Variants in ULK4 observed in about 807,000 individuals in gnomAD.
ULK4 encodes unc-51 like kinase 4.
Under a neutral mutation model 160.6 loss-of-function variants are expected in ULK4, and 133 were observed. The observed-to-expected ratio is 0.83, with a 90% CI of 0.72 to 0.96. The LOEUF (loss-of-function observed/expected upper bound fraction) is 0.96, where lower values mean the gene tolerates loss of function less well. Ranked by LOEUF, ULK4 falls within the 40% of genes least tolerant of loss-of-function variation. The pLI is 0.00. For missense variants in ULK4, 1,580 were observed against 1,499.5 expected, an observed-to-expected ratio of 1.05 and a Z score of -0.89; for synonymous variants, 534 against 539.8, an observed-to-expected ratio of 0.99 and a Z score of 0.15.
intron 12 of ULK4, among the ~76,000 whole-genome samples, chr3:41,906,707 T>C (rs1405970283): frequency 6.6e-6 from 1 of 151,688 alleles, no homozygotes; most frequent in Non-Finnish European, 1.5e-5. Context: ...AAATATATGT[T>C]AAAAAGGCCG....
chr3:41,680,912 T>C (rs1448206959), intron 29 of ULK4, among the ~76,000 whole-genome samples: 1 of 152,202 alleles, frequency 6.6e-6, no homozygotes, highest in Non-Finnish European at 1.5e-5. Context: ...TCCCCTCAAC[T>C]ATAAGGTGAG....
intron 12 of ULK4, among the ~76,000 whole-genome samples, chr3:41,906,269 A>G (rs1451721288): frequency 6.6e-6 from 1 of 151,618 alleles, no homozygotes; most frequent in Non-Finnish European, 1.5e-5. Flanking sequence ...TCATACCTAC[A>G]ATCCCAGCAC....
chr3:41,919,254 G>T (rs1391749072), intron 6 of ULK4, among the ~76,000 whole-genome samples: 1 of 152,164 alleles, frequency 6.6e-6, no homozygotes, highest in African/African-American at 2.4e-5. Context: ...ATCTGCATAT[G>T]CCTAGATACC....
At chr3:41,796,050 ATATGT>A (rs2040292162) in intron 20 of ULK4, among the ~76,000 whole-genome samples, 1 of 152,136 alleles carries the variant, frequency 6.6e-6, no homozygotes, top group African/African-American at 2.4e-5. Flanking sequence ...CCCAGTATCC[ATATGT>A]CAGTCTGAGA....
intron 17 of ULK4, among the ~76,000 whole-genome samples, chr3:41,855,669 C>T (rs1288980473): frequency 6.6e-6 from 1 of 152,174 alleles, no homozygotes; most frequent in African/African-American, 2.4e-5. Context: ...ATCTTCAACA[C>T]TCCTCAAATA....
At chr3:41,486,376 G>A (rs962739596) in intron 32 of ULK4, among the ~76,000 whole-genome samples, 6 of 152,138 alleles carry the variant, frequency 3.9e-5, no homozygotes, top group Non-Finnish European at 8.8e-5. Context: ...ACATTAAAGT[G>A]TGCAGAAATA....
intron 30 of ULK4, among the ~76,000 whole-genome samples, chr3:41,636,303 G>A (rs919472392): frequency 6.6e-6 from 1 of 152,120 alleles, no homozygotes; most frequent in Non-Finnish European, 1.5e-5. Context: ...GGGAGGCCGA[G>A]GTGGGTGGAT....
intron 35 of ULK4, among the ~76,000 whole-genome samples, chr3:41,371,259 G>A (rs1390560190): frequency 1.6e-4 from 24 of 152,210 alleles, no homozygotes; most frequent in Admixed American, 1.6e-3. Flanking sequence ...GGTCTGAAGA[G>A]AGCAGCGGTT....
intron 35 of ULK4, among the ~76,000 whole-genome samples, chr3:41,348,497 G>A (rs73831332): frequency 0.039 from 5,903 of 152,208 alleles, 301 homozygotes; most frequent in East Asian, 0.19. Flanking sequence ...TTACAGAGGA[G>A]GGATGGGGGC....
intron 22 of ULK4, among the ~76,000 whole-genome samples, chr3:41,735,627 T>C (rs1038699790): frequency 2.0e-5 from 3 of 151,950 alleles, no homozygotes; most frequent in African/African-American, 7.3e-5. Context: ...GGGTATATGC[T>C]ATTTACAGAG....
At chr3:41,539,093 A>T (rs961942771) in intron 32 of ULK4, among the ~76,000 whole-genome samples, 1 of 150,198 alleles carries the variant, frequency 6.7e-6, no homozygotes, top group Admixed American at 6.7e-5. Context: ...GTTTTTACAA[A>T]TTCTCATAAA....
chr3:41,335,113 G>A (rs549717299), intron 35 of ULK4, among the ~76,000 whole-genome samples: 358 of 152,302 alleles, frequency 2.4e-3, no homozygotes, highest in African/African-American at 7.9e-3. Flanking sequence ...TTTTAGTAAA[G>A]GCACACAATT....
At chr3:41,389,818 C>T (rs960502130) in intron 35 of ULK4, among the ~76,000 whole-genome samples, 4 of 151,810 alleles carry the variant, frequency 2.6e-5, no homozygotes, top group Admixed American at 6.6e-5. Context: ...ATCAGGGATA[C>T]TGGTCTAAAA....
rs768807309 is a variant in ULK4, at chr3:41,900,864, C to G, written c.1183-35G>C. ...GAACAAAAATTAGACTTTGTTTCTG[C>G]GACTAATGTAGATCTTTAAAACACT... is the stretch of plus-strand genomic sequence containing the variant. On this transcript the variant is annotated intron_variant, in intron 12 of 36. Transcript: ENST00000301831. 2.0e-6 allele frequency: 3 copies of G among 1,501,014 alleles called. No homozygotes were observed. The South Asian group carries it at 3.4e-5, about 17-fold the overall frequency. The allele number at this position is 1,501,014 out of a possible 1,614,324, so 93.0% of individuals were successfully genotyped here.
At chr3:41,709,173 TTTTC>T (rs2037006073) in intron 25 of ULK4, among the ~76,000 whole-genome samples, 1 of 152,212 alleles carries the variant, frequency 6.6e-6, no homozygotes, top group African/African-American at 2.4e-5. Flanking sequence ...CTTTTCCACA[TTTTC>T]TTTAATAAGC....
chr3:41,478,003 C>A (rs1323852618), intron 32 of ULK4, among the ~76,000 whole-genome samples: 1 of 152,252 alleles, frequency 6.6e-6, no homozygotes, highest in Non-Finnish European at 1.5e-5. Context: ...GTGCTTGTCA[C>A]CAGGCCAATG....
At chr3:41,666,116 G>A (rs372570299) in intron 29 of ULK4, among the ~76,000 whole-genome samples, 12 of 152,184 alleles carry the variant, frequency 7.9e-5, no homozygotes, top group African/African-American at 2.7e-4. Flanking sequence ...CTACCAACCA[G>A]AGAAGCTCAC....
At chr3:41,384,553 G>A (rs551766278) in intron 35 of ULK4, among the ~76,000 whole-genome samples, 1 of 152,110 alleles carries the variant, frequency 6.6e-6, no homozygotes, top group South Asian at 2.1e-4. Flanking sequence ...GAGATCGGGT[G>A]CGTTCAGGGT....
intron 5 of ULK4, among the ~76,000 whole-genome samples, chr3:41,926,038 C>T (rs1244313207): frequency 6.6e-6 from 1 of 151,836 alleles, no homozygotes; most frequent in East Asian, 1.9e-4. Flanking sequence ...TCCCTGACCC[C>T]TGTGTCTCCT....
Sources: gnomAD v4.1 joint callset for allele counts (sites outside exome capture counted in the v4.1 genomes callset) on GRCh38, gnomAD v4.1.1 for gene constraint, MANE v1.5 for transcripts, NCBI Gene and HGNC (gene_info 2026-07-23, HGNC 2026-07-21) for gene names.